The following CPAP variants were observed in gnomAD, a reference collection of about 807,000 sequenced individuals.
CPAP encodes the protein centrosome assembly and centriole elongation protein.
chr13:24,889,655 A>G, the CPAP span, among the ~76,000 whole-genome samples: 1 of 152,152 alleles, frequency 6.6e-6, no homozygotes, highest in Non-Finnish European at 1.5e-5. Context: ...TACCTGAACC[A>G]TCTCCTCTGA....
chr13:24,911,934 G>A, the CPAP span: 1 of 1,613,976 alleles, frequency 6.2e-7, no homozygotes, highest in Non-Finnish European at 8.5e-7. Flanking sequence ...GCCCTGTGTA[G>A]GCAAAGCATA....
the CPAP span, chr13:24,885,492 A>G: frequency 2.1e-5 from 25 of 1,178,834 alleles, no homozygotes; most frequent in African/African-American, 2.7e-4. Flanking sequence ...AACATTTATA[A>G]TGTTAAGTAA....
the CPAP span, chr13:24,889,484 G>T: frequency 2.2e-6 from 2 of 902,350 alleles, no homozygotes; most frequent in Non-Finnish European, 3.6e-6. Flanking sequence ...CTCAGCTAGT[G>T]CTAAGAATGC....
the CPAP span, among the ~76,000 whole-genome samples, chr13:24,920,155 TGCTGTTTCCCTC>T: frequency 6.6e-6 from 1 of 152,250 alleles, no homozygotes; most frequent in South Asian, 2.1e-4. Context: ...AACAAGAGAC[TGCTGTTTCCCTC>T]GCTGATTCAT....
the CPAP span, chr13:24,905,469 T>C: frequency 6.2e-7 from 1 of 1,614,206 alleles, no homozygotes; most frequent in Non-Finnish European, 8.5e-7. Flanking sequence ...GGACTTCTGC[T>C]CCTCCTGGAC....
the CPAP span, among the ~76,000 whole-genome samples, chr13:24,914,465 A>G: frequency 6.6e-6 from 1 of 152,116 alleles, no homozygotes; most frequent in African/African-American, 2.4e-5. Context: ...CCGAGCCCCA[A>G]AACACTAACA....
the CPAP span, among the ~76,000 whole-genome samples, chr13:24,914,395 C>T: frequency 6.6e-6 from 1 of 152,128 alleles, no homozygotes; most frequent in African/African-American, 2.4e-5. Flanking sequence ...AGATCCAGAG[C>T]CAGGCTTCAC....
the CPAP span, chr13:24,933,228 A>G: frequency 1.0e-6 from 1 of 978,396 alleles, no homozygotes; most frequent in Non-Finnish European, 1.6e-6. Context: ...AGAGATTAGC[A>G]GCAGGAGAGA....
the CPAP span, among the ~76,000 whole-genome samples, chr13:24,915,074 C>A: frequency 2.7e-5 from 4 of 149,648 alleles, no homozygotes; most frequent in African/African-American, 7.5e-5. Flanking sequence ...GACTCTCTCT[C>A]AAAAAATAAT....
the CPAP span, among the ~76,000 whole-genome samples, chr13:24,909,174 A>G: frequency 6.6e-6 from 1 of 152,186 alleles, no homozygotes; most frequent in Admixed American, 6.5e-5. Context: ...CATGTTGTAT[A>G]AAAAAGAAGA....
chr13:24,904,166 A>T, the CPAP span: 1 of 1,210,682 alleles, frequency 8.3e-7, no homozygotes, highest in Non-Finnish European at 1.2e-6. Context: ...CATCTGTGCT[A>T]TTAAAATGCA....
At chr13:24,906,414 TG>T in the CPAP span, 1 of 1,613,758 alleles carries the variant, frequency 6.2e-7, no homozygotes, top group Non-Finnish European at 8.5e-7. Flanking sequence ...GTCTCCCTTA[TG>T]GGGCTCTTAG....
the CPAP span, among the ~76,000 whole-genome samples, chr13:24,922,120 TC>T: frequency 6.6e-6 from 1 of 152,312 alleles, no homozygotes; most frequent in Admixed American, 6.5e-5. Flanking sequence ...CAATTATACC[TC>T]AATAAAACTT....
At chr13:24,898,701 C>A in the CPAP span, among the ~76,000 whole-genome samples, 2 of 152,164 alleles carry the variant, frequency 1.3e-5, no homozygotes, top group African/African-American at 4.8e-5. Context: ...GGTGAGATTG[C>A]TCAAGGATGG....
At chr13:24,924,378 A>G in the CPAP span, among the ~76,000 whole-genome samples, 1 of 152,094 alleles carries the variant, frequency 6.6e-6, no homozygotes, top group East Asian at 1.9e-4. Context: ...ATTTTAATAT[A>G]GTATGTAGTG....
chr13:24,925,980 G>A, the CPAP span: 4 of 152,570 alleles, frequency 2.6e-5, no homozygotes, highest in Admixed American at 2.6e-4. Context: ...ATAAAAGCAA[G>A]CAGCTCCAGC....
chr13:24,918,898 G>C, the CPAP span, among the ~76,000 whole-genome samples: 1 of 152,012 alleles, frequency 6.6e-6, no homozygotes, highest in African/African-American at 2.4e-5. Flanking sequence ...AACTCATGTT[G>C]TTCGAGAGTC....
chr13:24,899,404 A>G, the CPAP span: 1 of 1,596,092 alleles, frequency 6.3e-7, no homozygotes, highest in Non-Finnish European at 8.6e-7. Flanking sequence ...AATATAACAT[A>G]AAGAACTAGC....
the CPAP span, among the ~76,000 whole-genome samples, chr13:24,895,722 TC>T: frequency 6.6e-6 from 1 of 152,154 alleles, no homozygotes; most frequent in East Asian, 1.9e-4. Context: ...TTAAAGGGGC[TC>T]CCCCACTGGT....
Sources: gnomAD v4.1 joint callset for allele counts (sites outside exome capture counted in the v4.1 genomes callset) on GRCh38, gnomAD v4.1.1 for gene constraint, MANE v1.5 for transcripts, NCBI Gene and HGNC (gene_info 2026-07-23, HGNC 2026-07-21) for gene names.